DLC1: variants seen among roughly 807,000 people sequenced by gnomAD.
DLC1 encodes DLC1 Rho GTPase activating protein.
A neutral mutation model predicts 140.3 loss-of-function variants in DLC1; 54 were observed. That is an observed-to-expected ratio of 0.38 (90% CI 0.31 to 0.48). The LOEUF (loss-of-function observed/expected upper bound fraction) is 0.48, where lower values mean the gene tolerates loss of function less well. DLC1 is among the 20% of genes least tolerant of loss of function. The probability of loss-of-function intolerance (pLI) is 0.96; values close to 1 mark genes in which losing one functional copy is unlikely to be tolerated. For synonymous variants in DLC1, 986 were observed against 728.1 expected (o/e 1.35, Z -5.70); for missense variants, 2,536 against 1,907.0 (o/e 1.33, Z -6.14).
intron 1 of DLC1, among the ~76,000 whole-genome samples, chr8:13,583,084 G>A (rs1005592805): frequency 6.6e-5 from 10 of 151,642 alleles, no homozygotes; most frequent in African/African-American, 2.4e-4. Context: ...GGTGGTGGTG[G>A]CCGAAAGTTG....
chr8:13,141,860 GAATTAC>G (rs1207057669), intron 5 of DLC1, among the ~76,000 whole-genome samples: 1 of 152,060 alleles, frequency 6.6e-6, no homozygotes, highest in Non-Finnish European at 1.5e-5. Context: ...GCAAGGCAAC[GAATTAC>G]ACATTTTAAA....
rs535227467 is a variant in DLC1 at position 13,147,434 on chromosome 8, C to T, written c.1349-31777G>A. On this transcript the variant is annotated intron_variant, in intron 5 of 17. Coordinates refer to ENST00000276297, the MANE Select transcript of DLC1 (RefSeq NM_182643.3). The stretch of plus-strand genomic sequence containing the variant: ...CTTGTGTTCCTTCTCTCACTCATTT[C>T]GAATCTGAAAACTGGAAAAGAAAGT... Among the ~76,000 whole-genome samples, 11 of 152,272 alleles carry T rather than the reference C, an allele frequency of 7.2e-5. 1 individual carries two copies. The highest frequency in any genetic ancestry group is 4.2e-4 in the South Asian group (2 of 4,818).
intron 4 of DLC1, among the ~76,000 whole-genome samples, chr8:13,351,267 T>C (rs113454742): frequency 1.3e-5 from 2 of 152,246 alleles, no homozygotes; most frequent in African/African-American, 4.8e-5. Context: ...AGGATTATTA[T>C]CCTCATGTTA....
intron 2 of DLC1, among the ~76,000 whole-genome samples, chr8:13,438,399 A>G (rs149950212): frequency 4.3e-4 from 66 of 152,220 alleles, no homozygotes; most frequent in Non-Finnish European, 6.9e-4. Flanking sequence ...TGTCGCTTGC[A>G]TTCTTTTTTG....
chr8:13,277,196 C>T (rs1397135966), intron 5 of DLC1, among the ~76,000 whole-genome samples: 1 of 152,130 alleles, frequency 6.6e-6, no homozygotes, highest in Non-Finnish European at 1.5e-5. Context: ...CCTGTGGTCC[C>T]AGCTGCTTGG....
chr8:13,438,535 A>G (rs1178355163), intron 2 of DLC1, among the ~76,000 whole-genome samples: 1 of 152,080 alleles, frequency 6.6e-6, no homozygotes, highest in Non-Finnish European at 1.5e-5. Context: ...GATTTACTGT[A>G]GCTGAGAAGT....
intron 4 of DLC1, among the ~76,000 whole-genome samples, chr8:13,382,408 G>C (rs1159201889): frequency 1.3e-5 from 2 of 149,196 alleles, no homozygotes; most frequent in Non-Finnish European, 3.0e-5. Flanking sequence ...TCGGGAGGCT[G>C]AGGCAGGAGA....
At chr8:13,467,566 C>A (rs557428382) in intron 2 of DLC1, among the ~76,000 whole-genome samples, 10 of 152,012 alleles carry the variant, frequency 6.6e-5, no homozygotes, top group Admixed American at 6.6e-4. Flanking sequence ...TAGAGAGACC[C>A]TGTCTTTACA....
Position 13,098,584 on chromosome 8 carries a change from G to A in DLC1, c.2991-9C>T, listed in dbSNP as rs1395939921. On this transcript the variant is annotated splice_polypyrimidine_tract_variant and intron_variant, in intron 9 of 17. Transcript: ENST00000276297. ...GCCATCTCAGTCGGTGCCTGCGAGA[G>A]AAGAGGAGAGGAAAATGAGTGTGAA... is the stretch of plus-strand genomic sequence containing the variant. 1.9e-6 allele frequency: 3 copies of A among 1,610,880 alleles called. No homozygotes were observed. In the South Asian group the frequency reaches 3.3e-5, roughly 18 times the overall value.
chr8:13,530,314 A>G (rs117116426), intron 1 of DLC1, among the ~76,000 whole-genome samples: 3,909 of 152,282 alleles, frequency 0.026, 78 homozygotes, highest in South Asian at 0.079. Context: ...TCTTAAGGTA[A>G]ATAGAATAAT....
chr8:13,537,934 G>C (rs548277859), intron 1 of DLC1, among the ~76,000 whole-genome samples: 4 of 152,024 alleles, frequency 2.6e-5, no homozygotes, highest in East Asian at 1.9e-4. Context: ...GATTACAGGC[G>C]TGAGCCACCG....
At chr8:13,466,754 C>T (rs1799961711) in intron 2 of DLC1, among the ~76,000 whole-genome samples, 1 of 152,164 alleles carries the variant, frequency 6.6e-6, no homozygotes, top group Non-Finnish European at 1.5e-5. Context: ...TTATCATACA[C>T]CAAAGTTCTA....
chr8:13,564,253 G>T (rs1054916824), intron 1 of DLC1, among the ~76,000 whole-genome samples: 1 of 152,106 alleles, frequency 6.6e-6, no homozygotes, highest in Non-Finnish European at 1.5e-5. Flanking sequence ...TACAGATAAA[G>T]AACAAGTACT....
chr8:13,253,058 T>C (rs1387983036), intron 5 of DLC1, among the ~76,000 whole-genome samples: 2 of 152,222 alleles, frequency 1.3e-5, no homozygotes, highest in African/African-American at 4.8e-5. Context: ...AGCCATCGTA[T>C]GATCAAGTCC....
At chr8:13,488,359 C>G (rs1801065608) in intron 2 of DLC1, among the ~76,000 whole-genome samples, 1 of 152,130 alleles carries the variant, frequency 6.6e-6, no homozygotes, top group Non-Finnish European at 1.5e-5. Flanking sequence ...TAATCAAATA[C>G]TAGCTAGGGA....
intron 4 of DLC1, among the ~76,000 whole-genome samples, chr8:13,320,712 C>T (rs748343558): frequency 3.9e-5 from 6 of 152,020 alleles, no homozygotes; most frequent in African/African-American, 7.2e-5. Flanking sequence ...CCTGTGAGAA[C>T]GGGTTGTTGA....
At chr8:13,580,793 G>C (rs1311209241) in intron 1 of DLC1, among the ~76,000 whole-genome samples, 1 of 152,206 alleles carries the variant, frequency 6.6e-6, no homozygotes, top group Non-Finnish European at 1.5e-5. Flanking sequence ...CACACACCAG[G>C]AGGGTATGAA....
chr8:13,471,145 G>T lies in DLC1; in HGVS notation c.1023+27904C>A, dbSNP rs548092806. Among the ~76,000 whole-genome samples, 119 of 152,084 alleles carry T rather than the reference G, an allele frequency of 7.8e-4. 3 individuals are homozygous for T. In the South Asian group the frequency reaches 0.022, roughly 28 times the overall value. ...CTAGAATGGTAGTTGTCAGGGGTTG[G>T]GGGGAGGGAGAAATGGGGAGGCACT... On this transcript the variant is annotated intron_variant, in intron 2 of 17. Transcript: ENST00000276297.
At chr8:13,537,246 GA>G (rs1803313254) in intron 1 of DLC1, among the ~76,000 whole-genome samples, 1 of 152,172 alleles carries the variant, frequency 6.6e-6, no homozygotes, top group Non-Finnish European at 1.5e-5. Context: ...TCTATTAACA[GA>G]TCAAGAATCA....
Sources: gnomAD v4.1 joint callset for allele counts (sites outside exome capture counted in the v4.1 genomes callset) on GRCh38, gnomAD v4.1.1 for gene constraint, MANE v1.5 for transcripts, NCBI Gene and HGNC (gene_info 2026-07-23, HGNC 2026-07-21) for gene names.